The following PAN2 variants were observed in gnomAD, a reference collection of about 807,000 sequenced individuals.
PAN2 encodes the protein poly(A) specific ribonuclease subunit PAN2, also known as PAN2-PAN3 deadenylation complex catalytic subunit PAN2.
Under a neutral mutation model 133.3 loss-of-function variants are expected in PAN2, and 68 were observed. The observed-to-expected ratio is 0.51, with a 90% confidence interval of 0.42 to 0.62. PAN2 has a LOEUF of 0.62. Ranked by LOEUF, PAN2 falls within the 20% of genes least tolerant of loss-of-function variation. The pLI is 0.00. For synonymous variants in PAN2, 462 were observed against 544.6 expected, an observed-to-expected ratio of 0.85 and a Z score of 2.11; for missense variants, 1,042 against 1,500.5, an observed-to-expected ratio of 0.69 and a Z score of 5.05.
At chr12:56,320,782 A>T (rs1406100614) in intron 20 of PAN2, among the ~76,000 whole-genome samples, 22 of 127,776 alleles carry the variant, frequency 1.7e-4, no homozygotes, top group Admixed American at 6.4e-4. Context: ...ACAGGGTCTC[A>T]GGCTGGGCAC....
chr12:56,330,382 C>T lies in PAN2; in HGVS notation c.283-1741G>A, dbSNP rs1335219398. On this transcript the variant is annotated intron_variant, in intron 2 of 25. Coordinates refer to ENST00000440411, the MANE Select transcript of PAN2 (RefSeq NM_014871.6). ...TTTTTTTTTTTTTTTTTTTTTGAGA[C>T]GGAGTCTCGCTCTGTCGCCCAGGCT... Among the ~76,000 whole-genome samples the T allele has an allele frequency of 3.2e-3, 286 of 88,568 alleles. 5 individuals are homozygous for T. The Middle Eastern group carries it at 0.041, about 13-fold the overall frequency. The allele number at this position is 88,568 out of a possible 152,430, so 58.1% of individuals were successfully genotyped here.
Position 56,324,149 on chromosome 12 carries a change from C to G in PAN2, c.1965G>C (p.Gln655His). ...FCSSGDSVIG[Q>H]LFSCEMENCS... ...AGTTCTCCATCTCACAGCTGAAGAG[C>G]TGCCCAATAACAGAGTCCCCCGATG... Residue 655 changes from glutamine to histidine, a missense_variant, in exon 13 of 26, where the codon CAG (glutamine) becomes CAC (histidine). Transcript: ENST00000440411. The G allele has an allele frequency of 6.2e-7, 1 of 1,614,094 alleles. No individual in the cohort carries two copies. Among genetic ancestry groups the G allele is most frequent in the Non-Finnish European group, 8.5e-7 (1 of 1,180,044 alleles).
chr12:56,330,000 A>C (rs1238795469), intron 2 of PAN2, among the ~76,000 whole-genome samples: 1 of 151,280 alleles, frequency 6.6e-6, no homozygotes, highest in East Asian at 1.9e-4. Flanking sequence ...CCAAGGTCCA[A>C]GCTCTTTTAA....
At chr12:56,330,639 G>A (rs535096410) in intron 2 of PAN2, among the ~76,000 whole-genome samples, 15 of 152,000 alleles carry the variant, frequency 9.9e-5, no homozygotes, top group Non-Finnish European at 1.3e-4. Flanking sequence ...GATTACAGGC[G>A]TGAGCCACCG....
chr12:56,321,807 C>T (rs539044977), intron 20 of PAN2, among the ~76,000 whole-genome samples: 7 of 150,344 alleles, frequency 4.7e-5, no homozygotes, highest in South Asian at 2.1e-4. Flanking sequence ...GCCGAGATTG[C>T]GCAATTGCAC....
At chr12:56,328,432 G>A (rs1380579806) in intron 3 of PAN2, 40 bp downstream of exon 3, 1 of 1,609,836 alleles carries the variant, frequency 6.2e-7, no homozygotes, top group Admixed American at 1.7e-5. Context: ...CACCCTATGA[G>A]GCATCCTCGT....
intron 2 of PAN2, 194 bp downstream of exon 2, chr12:56,332,619 A>G (rs889049909): frequency 4.1e-5 from 22 of 542,568 alleles, no homozygotes; most frequent in East Asian, 4.0e-4. Context: ...AAAAAAAAAA[A>G]GGGATGCCTC....
chr12:56,321,542 AT>A (rs1301244246), intron 20 of PAN2, among the ~76,000 whole-genome samples: 134 of 65,610 alleles, frequency 2.0e-3, no homozygotes, highest in Admixed American at 1.9e-3. Context: ...TACTAGGCTA[AT>A]TAAAAAAAAA....
intron 20 of PAN2, 62 bp downstream of exon 20, chr12:56,322,016 G>A (rs1047360647): frequency 3.6e-6 from 3 of 838,442 alleles, no homozygotes; most frequent in Non-Finnish European, 4.1e-6. Flanking sequence ...CAATGTCCCA[G>A]ATCTCACCCT....
chr12:56,323,742 A>G, intron 14 of PAN2, 65 bp downstream of exon 14: 3 of 1,448,116 alleles, frequency 2.1e-6, no homozygotes, highest in Non-Finnish European at 2.9e-6. Context: ...CCAGCCCCAC[A>G]TGGGATAGTG....
intron 2 of PAN2, 25 bp downstream of exon 2, chr12:56,332,788 C>T (rs767388265): frequency 1.2e-6 from 2 of 1,606,450 alleles, no homozygotes; most frequent in South Asian, 1.1e-5. Context: ...ATCTTTCAAC[C>T]CTCACAAAGG....
At chr12:56,327,726 G>C (rs1875279562) in intron 5 of PAN2, 95 bp from the exon 6 acceptor site, 3 of 1,419,326 alleles carry the variant, frequency 2.1e-6, no homozygotes, top group Non-Finnish European at 1.9e-6. Context: ...AAAGGAACTA[G>C]GGCTTTAGGA....
At chr12:56,326,009 T>C (rs1409461040) in intron 8 of PAN2, among the ~76,000 whole-genome samples, 1 of 152,258 alleles carries the variant, frequency 6.6e-6, no homozygotes, top group African/African-American at 2.4e-5. Context: ...CACTTTAGCC[T>C]GGAATAACAT....
chr12:56,332,724 C>T (rs1371240299), intron 2 of PAN2, 89 bp downstream of exon 2: 4 of 1,340,608 alleles, frequency 3.0e-6, no homozygotes, highest in East Asian at 4.6e-5. Context: ...CTCCTCGGTA[C>T]TGGCTATCTG....
At position 56,319,097 on chromosome 12, in the gene PAN2, A is replaced by G; in HGVS notation, c.3355T>C (p.Tyr1119His). Residue 1119 changes from tyrosine (Y) to histidine (H), a missense_variant, in exon 24 of 26, where the codon TAC becomes CAC. Physicochemically the swap from Tyr to His is moderately conservative, Grantham distance 83. This residue lies in a region of PAN2 where 85 missense variants were observed against 116.5 expected (regional missense o/e 0.73). Coordinates refer to ENST00000440411, the MANE Select transcript of PAN2 (RefSeq NM_014871.6). The surrounding 1 kb of genome is among the most constrained non-coding windows in gnomAD (Gnocchi z 5.4). ...RMISLRFLAW[Y>H]FLDLKIQGET... The stretch of plus-strand genomic sequence containing the variant: ...AGGCAGAGCAACTCACCCAGAAAGT[A>G]CCAAGCAAGGAATCGCAGGGAAATC... The G allele has an allele frequency of 6.2e-7, 1 of 1,614,142 alleles. No homozygotes were observed. Among genetic ancestry groups the G allele is most frequent in the Non-Finnish European group, 8.5e-7 (1 of 1,180,012 alleles).
In PAN2 at chr12:56,327,552, A is replaced by C. The variant is rs950171698; in HGVS notation, c.731T>G (p.Val244Gly). 6.2e-7 allele frequency: 1 copy of C among 1,614,256 alleles called. No homozygotes were observed. ...AFSGSLSDFDVHGNLLAACGF... is the reference protein window; with the variant it reads ...AFSGSLSDFDGHGNLLAACGF... ...ACAGGCAGCTAGCAGGTTGCCATGC[A>C]CATCAAAGTCTGACAGACTTCCTGA... The change falls in exon 6 of 26, where the codon GTG becomes GGG. Residue 244 changes from valine (V) to glycine (G), a missense_variant. This residue lies in a region of PAN2 where 908 missense variants were observed against 1,223.5 expected (regional missense o/e 0.74). Coordinates refer to ENST00000440411, the MANE Select transcript of PAN2 (RefSeq NM_014871.6).
chr12:56,319,511 C>T lies in PAN2; in HGVS notation c.3091-24G>A. Reference sequence around the variant, plus strand: ...ACCTAGGAATAGAGAAAAGGACAAGCCTTTTTCAGGAAGTGAGATGGAGTC... The same window carrying T: ...ACCTAGGAATAGAGAAAAGGACAAGTCTTTTTCAGGAAGTGAGATGGAGTC... On this transcript the variant is annotated intron_variant, in intron 22 of 25. Transcript: ENST00000440411. The surrounding 1 kb of genome is among the most constrained non-coding windows in gnomAD (Gnocchi z 5.4). 6.2e-7 allele frequency: 1 copy of T among 1,603,544 alleles called. No individual in the cohort carries two copies. Among genetic ancestry groups the T allele is most frequent in the African/African-American group, 1.3e-5 (1 of 74,506 alleles).
chr12:56,323,449 G>T (rs1201080827), intron 15 of PAN2, 51 bp downstream of exon 15: 1 of 1,607,536 alleles, frequency 6.2e-7, no homozygotes, highest in Non-Finnish European at 8.5e-7. Flanking sequence ...TCAGAAGGGG[G>T]ATAAAATGAA....
At position 56,319,193 on chromosome 12, in the gene PAN2, A is replaced by G; in HGVS notation, c.3271-12T>C. 1 of 1,614,138 alleles carries G rather than the reference A, an allele frequency of 6.2e-7. No individual in the cohort carries two copies. The highest frequency in any genetic ancestry group is 8.5e-7 in the Non-Finnish European group (1 of 1,179,998). ...TGGTCCTTGGGCACCTGGCAAGGAT[A>G]AAAGAGGGGGAGACTTAAGGTAGGG... On this transcript the variant is annotated splice_polypyrimidine_tract_variant and intron_variant, in intron 23 of 25. Transcript: ENST00000440411. The surrounding 1 kb of genome is among the most constrained non-coding windows in gnomAD (Gnocchi z 5.4).
Sources: allele counts gnomAD v4.1 joint callset (sites outside exome capture counted in the v4.1 genomes callset), GRCh38; gene constraint gnomAD v4.1.1; regional missense constraint gnomAD v4.1.1; non-coding constraint Gnocchi (gnomAD v3.1); transcripts MANE v1.5; gene names NCBI Gene and HGNC (gene_info 2026-07-23, HGNC 2026-07-21).